Variants in ARHGEF25 observed in about 807,000 individuals in gnomAD.
ARHGEF25 encodes Rho guanine nucleotide exchange factor 25.
A neutral mutation model predicts 74.0 loss-of-function variants in ARHGEF25; 42 were observed. The ratio of observed to expected loss-of-function variants is 0.57; its 90% CI spans 0.44 to 0.73. The LOEUF is 0.73. ARHGEF25 is among the 30% of genes least tolerant of loss of function. ARHGEF25 has a pLI of 0.00. For synonymous variants in ARHGEF25, 293 were observed against 278.6 expected (o/e 1.05, Z -0.51); for missense variants, 645 against 725.5 (o/e 0.89, Z 1.27).
At position 57,616,352 on chromosome 12, in the gene ARHGEF25, C is replaced by T. The variant is rs375345701; in HGVS notation, c.1489C>T (p.Pro497Ser). ...CAACAGCCTGGGGCGGCCAAGAGGG[C>T]CTGGAGTGGGGAGCCCTGGAAGAAT... ...QTNSLGRPRG[P>S]GVGSPGRIQL... is the part of the protein sequence containing the mutation. The change falls in exon 14 of 15, where the codon CCT becomes TCT. Residue 497 changes from proline to serine, a missense_variant. Physicochemically the swap from Pro to Ser is moderately conservative, Grantham distance 74 (BLOSUM62 -1). Coordinates refer to ENST00000286494, the MANE Select transcript of ARHGEF25 (RefSeq NM_182947.4). 8.1e-6 allele frequency: 13 copies of T among 1,613,954 alleles called. No homozygotes were observed. In the African/African-American group the frequency reaches 1.5e-4, roughly 18 times the overall value.
At chr12:57,610,309 G>A (rs1467835142), upstream of ARHGEF25, 5 of 1,541,118 alleles carry the variant, frequency 3.2e-6, no homozygotes, top group East Asian at 7.0e-5. Context: ...TCCCTGGGCA[G>A]GAGGGGGTAA....
chr12:57,610,698 G>A (rs763416213), upstream of ARHGEF25: 3 of 1,603,208 alleles, frequency 1.9e-6, no homozygotes, highest in African/African-American at 2.7e-5. Context: ...AGAAGCTGGG[G>A]GTGGGGTGGG....
In ARHGEF25 at chr12:57,611,554, G is replaced by C; in HGVS notation, c.-341G>C. 1 of 993,436 alleles carries C rather than the reference G, an allele frequency of 1.0e-6. No individual in the cohort carries two copies. The highest frequency in any genetic ancestry group is 1.2e-6 in the Non-Finnish European group (1 of 835,374). 61.5% of individuals were successfully genotyped at this position (993,436 alleles called of 1,614,324 possible). On this transcript the variant is annotated 5_prime_UTR_variant, in exon 1 of 15. Transcript: ENST00000286494. This position sits in a 1 kb window ranked among gnomAD's most constrained non-coding sequence, Gnocchi z 4.5. ...ACCAGAGGCCGGAGACAGCTGGAGC[G>C]GCTGCCGCATCCCGGCCCAGCCTCC...
chr12:57,612,907 T>A, intron 1 of ARHGEF25, 23 bp from the exon 2 acceptor site: 1 of 1,608,078 alleles, frequency 6.2e-7, no homozygotes, highest in Non-Finnish European at 8.5e-7. Context: ...GTCTATCACC[T>A]CCTCTCTTTT....
chr12:57,611,504 C>T lies in ARHGEF25; in HGVS notation c.-391C>T, dbSNP rs888152107. ...CGGGGGTCGGCCCTCGCCTCCTCCC[C>T]GGCCCGGGCCTAGAGCCACCCCTAA... On this transcript the variant is annotated 5_prime_UTR_variant, in exon 1 of 15. Coordinates refer to ENST00000286494, the MANE Select transcript of ARHGEF25 (RefSeq NM_182947.4). The surrounding 1 kb of genome is among the most constrained non-coding windows in gnomAD (Gnocchi z 4.5). 1.0e-6 allele frequency: 1 copy of T among 986,286 alleles called. No homozygotes were observed. The highest frequency in any genetic ancestry group is 4.7e-5 in the South Asian group (1 of 21,282). The allele number at this position is 986,286 out of a possible 1,614,324, so 61.1% of individuals were successfully genotyped here. A position where few individuals can be genotyped will look rare whatever the true frequency, so the allele number is the denominator to read the frequency against.
intron 13 of ARHGEF25, 124 bp from the exon 14 acceptor site, chr12:57,616,160 C>A (rs1442112957): frequency 3.1e-5 from 45 of 1,454,560 alleles, no homozygotes; most frequent in Non-Finnish European, 2.4e-5. Flanking sequence ...ATAGAATCCC[C>A]TAAAGCCCTA....
In ARHGEF25 at chr12:57,611,717, A is replaced by C; in HGVS notation, c.-178A>C. ...TCTAGAGCCCCCAGCCCTCCTCAAG[A>C]CTAGACTTCCGCCTACCCCTGGACA... On this transcript the variant is annotated 5_prime_UTR_variant, in exon 1 of 15. Coordinates refer to ENST00000286494, the MANE Select transcript of ARHGEF25 (RefSeq NM_182947.4). The surrounding 1 kb of genome is among the most constrained non-coding windows in gnomAD (Gnocchi z 4.5). The C allele has an allele frequency of 3.4e-6, 4 of 1,172,828 alleles. No individual in the cohort carries two copies. The highest frequency in any genetic ancestry group is 4.2e-6 in the Non-Finnish European group (4 of 950,844). The allele number at this position is 1,172,828 out of a possible 1,614,324, so 72.7% of individuals were successfully genotyped here. A position where few individuals can be genotyped will look rare whatever the true frequency, so the allele number is the denominator to read the frequency against.
rs988243738 is a variant in ARHGEF25, at chr12:57,616,863, G to T, written c.1712G>T (p.Arg571Ile). The stretch of plus-strand genomic sequence containing the variant: ...CCAAAAACCCCTCCCTGCCAAGCCA[G>T]ACTTGCCAAGCTGGATGAAGATGAG... Reference protein sequence around the residue: ...PTPKTPPCQARLAKLDEDEL With the variant: ...PTPKTPPCQAILAKLDEDEL Residue 571 changes from arginine (R) to isoleucine (I), a missense_variant, in exon 15 of 15, where the codon AGA (arginine) becomes ATA (isoleucine). Physicochemically the swap from Arg to Ile is moderately conservative, Grantham distance 97. This residue lies in a region of ARHGEF25 where 262 missense variants were observed against 256.9 expected (regional missense o/e 1.02). Coordinates refer to ENST00000286494, the MANE Select transcript of ARHGEF25 (RefSeq NM_182947.4). The T allele has an allele frequency of 6.2e-6, 10 of 1,613,950 alleles. No individual in the cohort carries two copies. In the African/African-American group the frequency reaches 1.3e-4, roughly 22 times the overall value.
At position 57,611,811 on chromosome 12, in the gene ARHGEF25, C is replaced by A; in HGVS notation, c.-84C>A. 8.7e-7 allele frequency: 1 copy of A among 1,148,820 alleles called. No homozygotes were observed. Among genetic ancestry groups the A allele is most frequent in the Non-Finnish European group, 1.1e-6 (1 of 914,704 alleles). The allele number at this position is 1,148,820 out of a possible 1,614,324, so 71.2% of individuals were successfully genotyped here. On this transcript the variant is annotated 5_prime_UTR_variant, in exon 1 of 15. Transcript: ENST00000286494. The surrounding 1 kb of genome is among the most constrained non-coding windows in gnomAD (Gnocchi z 4.5). Reference sequence around the variant, plus strand: ...CGGGGTAGGAGGGAGGGGGGGTGTGCGCCCGGCGCCGTCCCCGCCCCGCCC... The same window carrying A: ...CGGGGTAGGAGGGAGGGGGGGTGTGAGCCCGGCGCCGTCCCCGCCCCGCCC...
rs1207581636 is a variant in ARHGEF25, at chr12:57,616,799, C to A, written c.1648C>A (p.Pro550Thr). 1 of 1,609,930 alleles carries A rather than the reference C, an allele frequency of 6.2e-7. No individual in the cohort carries two copies. The highest frequency in any genetic ancestry group is 8.5e-7 in the Non-Finnish European group (1 of 1,177,588). The change falls in exon 15 of 15, where the codon CCC becomes ACC. Residue 550 changes from proline (P) to threonine (T), a missense_variant. Around this residue, in one of 3 missense-constraint regions of ARHGEF25, gnomAD observed 262 missense variants for 256.9 expected, o/e 1.02. Transcript: ENST00000286494. ...PLDKQALGDI[P>T]QAPHDSPPVS... Reference sequence around the variant, plus strand: ...TTTTCTTCAGGCCCTTGGTGACATCCCCCAGGCTCCCCATGACTCTCCTCC... The same window carrying A: ...TTTTCTTCAGGCCCTTGGTGACATCACCCAGGCTCCCCATGACTCTCCTCC...
At chr12:57,612,702 T>C (rs943372292) in intron 1 of ARHGEF25, 1 of 1,421,414 alleles carries the variant, frequency 7.0e-7, no homozygotes, top group Non-Finnish European at 9.2e-7. Context: ...CACATGTAAC[T>C]GGGGGTTCCA....
intron 11 of ARHGEF25, 98 bp from the exon 12 acceptor site, chr12:57,615,414 C>T (rs1884238665): frequency 6.3e-7 from 1 of 1,590,338 alleles, no homozygotes; most frequent in African/African-American, 1.3e-5. Flanking sequence ...CTGGGGCTGA[C>T]CCCATGGTTG....
Position 57,613,350 on chromosome 12 carries a change from T to G in ARHGEF25, c.399T>G (p.Asp133Glu), listed in dbSNP as rs780840561. 1.1e-5 allele frequency: 18 copies of G among 1,614,058 alleles called. No homozygotes were observed. The highest frequency in any genetic ancestry group is 1.5e-5 in the Non-Finnish European group (18 of 1,180,036). The part of the protein sequence containing the change: ...LLTTLLEGPG[D>E]KTQPPEEETL... The stretch of plus-strand genomic sequence containing the variant: ...CCACACTGTTGGAGGGCCCTGGAGA[T>G]AAGACGCAGGTGTGAGGACAGGCTC... The change falls in exon 3 of 15, where the codon GAT becomes GAG. Residue 133 changes from aspartate to glutamate, a missense_variant. Asp to Glu is a conservative substitution (Grantham distance 45, BLOSUM62 2). Transcript: ENST00000286494.
chr12:57,613,354 A>G lies in ARHGEF25; in HGVS notation c.403A>G (p.Thr135Ala). 1 of 1,614,158 alleles carries G rather than the reference A, an allele frequency of 6.2e-7. No homozygotes were observed. The highest frequency in any genetic ancestry group is 8.5e-7 in the Non-Finnish European group (1 of 1,180,010). Residue 135 changes from threonine to alanine, a missense_variant, in exon 3 of 15, where the codon ACG becomes GCG. Physicochemically the swap from Thr to Ala is moderately conservative, Grantham distance 58. Around this residue, in one of 3 missense-constraint regions of ARHGEF25, gnomAD observed 189 missense variants for 199.1 expected, o/e 0.95. Coordinates refer to ENST00000286494, the MANE Select transcript of ARHGEF25 (RefSeq NM_182947.4). ...TTLLEGPGDK[T>A]QPPEEETLSQ... Reference sequence around the variant, plus strand: ...ACTGTTGGAGGGCCCTGGAGATAAGACGCAGGTGTGAGGACAGGCTCTGGG... The same window carrying G: ...ACTGTTGGAGGGCCCTGGAGATAAGGCGCAGGTGTGAGGACAGGCTCTGGG...
At position 57,611,885 on chromosome 12, in the gene ARHGEF25, C is replaced by T; in HGVS notation, c.-10C>T. ...GGCCCGGGTGGGGGGCGCGGGGGGG[C>T]CCGGGCGCCATGCGGGGGGGGCACA... On this transcript the variant is annotated 5_prime_UTR_variant, in exon 1 of 15. Coordinates refer to ENST00000286494, the MANE Select transcript of ARHGEF25 (RefSeq NM_182947.4). This position sits in a 1 kb window ranked among gnomAD's most constrained non-coding sequence, Gnocchi z 4.5. 8.2e-7 allele frequency: 1 copy of T among 1,225,744 alleles called. No homozygotes were observed. Among genetic ancestry groups the T allele is most frequent in the Non-Finnish European group, 1.0e-6 (1 of 959,482 alleles). 75.9% of individuals were successfully genotyped at this position (1,225,744 alleles called of 1,614,324 possible).
chr12:57,616,087 A>G (rs1222574270), intron 13 of ARHGEF25, 70 bp downstream of exon 13: 26 of 1,552,264 alleles, frequency 1.7e-5, no homozygotes, highest in Non-Finnish European at 2.1e-5. Flanking sequence ...CTCACTGCCC[A>G]GTCTCCAGTA....
At position 57,616,923 on chromosome 12, in the gene ARHGEF25, C is replaced by T; in HGVS notation, c.*29C>T. On this transcript the variant is annotated 3_prime_UTR_variant, in exon 15 of 15. Transcript: ENST00000286494. ...GTGAAAACCATGGGGGTGGTGCTGA[C>T]TCAGCCGCCTATTCCCCAAGGAGCT... The T allele has an allele frequency of 6.5e-7, 1 of 1,550,274 alleles. No individual in the cohort carries two copies. The highest frequency in any genetic ancestry group is 8.9e-7 in the Non-Finnish European group (1 of 1,123,926).
At chr12:57,616,179 A>C in intron 13 of ARHGEF25, 105 bp from the exon 14 acceptor site, 1 of 1,451,074 alleles carries the variant, frequency 6.9e-7, no homozygotes, top group Non-Finnish European at 9.3e-7. Flanking sequence ...TAAGCAATTG[A>C]CATTGGCTGA....
chr12:57,614,187 C>A lies in ARHGEF25; in HGVS notation c.656+68C>A. On this transcript the variant is annotated intron_variant, in intron 6 of 14. Transcript: ENST00000286494. The surrounding 1 kb of genome is among the most constrained non-coding windows in gnomAD (Gnocchi z 4.6). Reference sequence around the variant, plus strand: ...CTCATCTGGTTGTCCTGTATCCTAACATCAGCCCATTGCGACTTAAGGAAT... The same window carrying A: ...CTCATCTGGTTGTCCTGTATCCTAAAATCAGCCCATTGCGACTTAAGGAAT... The A allele has an allele frequency of 6.3e-7, 1 of 1,589,144 alleles. No homozygotes were observed. The highest frequency in any genetic ancestry group is 8.6e-7 in the Non-Finnish European group (1 of 1,157,800).
Sources: allele counts gnomAD v4.1 joint callset, GRCh38; gene constraint gnomAD v4.1.1; regional missense constraint gnomAD v4.1.1; non-coding constraint Gnocchi (gnomAD v3.1); transcripts MANE v1.5; gene names NCBI Gene and HGNC (gene_info 2026-07-23, HGNC 2026-07-21).